The following LDLRAD3 variants were observed in gnomAD, a reference collection of about 807,000 sequenced individuals.
LDLRAD3 encodes low-density lipoprotein receptor class A domain-containing protein 3.
In LDLRAD3, 20 loss-of-function variants were observed where a neutral mutation model predicts 29.4. The observed-to-expected ratio is 0.68, with a 90% confidence interval of 0.48 to 0.99. LDLRAD3 has a LOEUF of 0.99. Among genes scored for constraint, LDLRAD3 ranks in the 50% least tolerant of loss-of-function variants. The pLI, the probability that LDLRAD3 is intolerant of heterozygous loss-of-function variation, is 0.00. For synonymous variants in LDLRAD3, 157 were observed against 192.7 expected, an observed-to-expected ratio of 0.81 and a Z score of 1.53; for missense variants, 420 against 454.3, an observed-to-expected ratio of 0.92 and a Z score of 0.69.
chr11:36,147,295 T>C (rs890213140), intron 4 of LDLRAD3, among the ~76,000 whole-genome samples: 45 of 151,598 alleles, frequency 3.0e-4, no homozygotes, highest in African/African-American at 1.1e-3. Flanking sequence ...TTTTTTTGTA[T>C]TTTTAGTAGA....
At chr11:36,187,559 CT>C (rs1247957824) in intron 4 of LDLRAD3, among the ~76,000 whole-genome samples, 5 of 152,160 alleles carry the variant, frequency 3.3e-5, no homozygotes, top group Non-Finnish European at 7.3e-5. Flanking sequence ...GTATTTCTAA[CT>C]TTAGTCAAGG....
intron 4 of LDLRAD3, among the ~76,000 whole-genome samples, chr11:36,221,896 T>C (rs1855433995): frequency 6.6e-6 from 1 of 152,210 alleles, no homozygotes; most frequent in Non-Finnish European, 1.5e-5. Context: ...CCCTTATTTA[T>C]ATATCCTTCT....
intron 4 of LDLRAD3, among the ~76,000 whole-genome samples, chr11:36,209,013 C>T (rs115534652): frequency 0.014 from 2,088 of 152,310 alleles, 44 homozygotes; most frequent in African/African-American, 0.047. Flanking sequence ...CAGGTATCCC[C>T]TGATGGGATA....
chr11:36,170,804 C>CTT (rs763207036), intron 4 of LDLRAD3, among the ~76,000 whole-genome samples: 11 of 138,314 alleles, frequency 8.0e-5, no homozygotes, highest in Non-Finnish European at 9.5e-5. Flanking sequence ...TGTATATCTT[C>CTT]TTTTTTTTTT....
rs557946113 is a variant in LDLRAD3, at chr11:35,989,459, T to G, written c.46+45315T>G. Among the ~76,000 whole-genome samples the G allele has an allele frequency of 2.6e-5, 4 of 152,400 alleles. No individual in the cohort carries two copies. The South Asian group carries it at 8.3e-4, about 32-fold the overall frequency. ...TTAGCATTGAATCTGTAGATTGCTT[T>G]CGGCAGTATGGCCATTTTAACAATG... On this transcript the variant is annotated intron_variant, in intron 1 of 5. Coordinates refer to ENST00000315571, the MANE Select transcript of LDLRAD3 (RefSeq NM_174902.4).
At chr11:36,055,654 C>G (rs1377585461) in intron 2 of LDLRAD3, among the ~76,000 whole-genome samples, 1 of 152,146 alleles carries the variant, frequency 6.6e-6, no homozygotes, top group East Asian at 1.9e-4. Flanking sequence ...AGGGTAGAAA[C>G]CACAGCGCTA....
chr11:36,081,154 C>T (rs1409138492), intron 2 of LDLRAD3, among the ~76,000 whole-genome samples: 2 of 152,126 alleles, frequency 1.3e-5, no homozygotes, highest in East Asian at 1.9e-4. Context: ...GTAGCAGTTG[C>T]GGTTCTGTTT....
intron 4 of LDLRAD3, among the ~76,000 whole-genome samples, chr11:36,157,081 G>C (rs1312243293): frequency 1.3e-5 from 2 of 152,132 alleles, no homozygotes; most frequent in Non-Finnish European, 2.9e-5. Context: ...AGCAATTTTA[G>C]GCAATTTAAA....
intron 4 of LDLRAD3, among the ~76,000 whole-genome samples, chr11:36,225,046 C>G (rs1855480681): frequency 6.6e-6 from 1 of 152,150 alleles, no homozygotes; most frequent in Non-Finnish European, 1.5e-5. Context: ...AGGCACCATC[C>G]TACTCTCTGG....
chr11:36,110,372 G>A (rs1029554632), intron 4 of LDLRAD3, among the ~76,000 whole-genome samples: 8 of 152,070 alleles, frequency 5.3e-5, no homozygotes, highest in Non-Finnish European at 7.4e-5. Context: ...CTCTCTCCCC[G>A]GTGAATGGCG....
intron 3 of LDLRAD3, among the ~76,000 whole-genome samples, chr11:36,096,321 A>G (rs1256182910): frequency 6.6e-6 from 1 of 152,184 alleles, no homozygotes; most frequent in Non-Finnish European, 1.5e-5. Context: ...GTAGATTACA[A>G]CTGCCATCTT....
At chr11:36,182,313 T>C (rs1317679184) in intron 4 of LDLRAD3, among the ~76,000 whole-genome samples, 1 of 152,088 alleles carries the variant, frequency 6.6e-6, no homozygotes, top group Non-Finnish European at 1.5e-5. Context: ...TGAAACTACA[T>C]AGTGCTTATC....
At chr11:35,966,780 A>G (rs1198004465) in intron 1 of LDLRAD3, among the ~76,000 whole-genome samples, 2 of 152,226 alleles carry the variant, frequency 1.3e-5, no homozygotes, top group East Asian at 1.9e-4. Flanking sequence ...AAGGGTATAT[A>G]TATTAGGAGA....
At chr11:36,205,580 T>C (rs1291003678) in intron 4 of LDLRAD3, among the ~76,000 whole-genome samples, 2 of 152,184 alleles carry the variant, frequency 1.3e-5, no homozygotes, top group African/African-American at 4.8e-5. Context: ...CCAAAGTCTT[T>C]ACAGATCAAA....
intron 4 of LDLRAD3, among the ~76,000 whole-genome samples, chr11:36,215,544 C>A (rs773829596): frequency 3.3e-5 from 5 of 152,134 alleles, no homozygotes; most frequent in Non-Finnish European, 4.4e-5. Context: ...TCTTGTGCTC[C>A]CCTTTCGGGC....
At chr11:36,074,174 G>A (rs1306110810) in intron 2 of LDLRAD3, among the ~76,000 whole-genome samples, 1 of 152,204 alleles carries the variant, frequency 6.6e-6, no homozygotes, top group Non-Finnish European at 1.5e-5. Flanking sequence ...GCACTGTATG[G>A]TGCAGCTCCT....
intron 4 of LDLRAD3, among the ~76,000 whole-genome samples, chr11:36,163,795 G>A (rs1388642263): frequency 6.6e-6 from 1 of 152,150 alleles, no homozygotes; most frequent in African/African-American, 2.4e-5. Flanking sequence ...CTTTAGATTT[G>A]ATATATAGAT....
chr11:36,039,265 G>A (rs1358446364), intron 2 of LDLRAD3, among the ~76,000 whole-genome samples: 2 of 152,108 alleles, frequency 1.3e-5, no homozygotes, highest in African/African-American at 2.4e-5. Context: ...CACCGCGCCC[G>A]GCCTAAAATT....
intron 1 of LDLRAD3, among the ~76,000 whole-genome samples, chr11:36,030,351 A>T (rs1241062190): frequency 2.0e-5 from 3 of 152,168 alleles, no homozygotes; most frequent in Non-Finnish European, 4.4e-5. Flanking sequence ...CCTAGAGTCG[A>T]GGAGGTCTTC....
Sources: gnomAD v4.1 joint callset for allele counts (sites outside exome capture counted in the v4.1 genomes callset) on GRCh38, gnomAD v4.1.1 for gene constraint, MANE v1.5 for transcripts, NCBI Gene and HGNC (gene_info 2026-07-23, HGNC 2026-07-21) for gene names.